TIMD4: variants seen among roughly 807,000 people sequenced by gnomAD.
TIMD4 encodes T cell immunoglobulin and mucin domain containing 4.
In TIMD4, 31 loss-of-function variants were observed where a neutral mutation model predicts 41.2. That is an observed-to-expected ratio of 0.75 (90% CI 0.57 to 1.01). The LOEUF is 1.01. TIMD4 is among the 50% of genes least tolerant of loss of function. The pLI is 0.00. For missense variants in TIMD4, 479 were observed against 472.5 expected, an observed-to-expected ratio of 1.01 and a Z score of -0.13; for synonymous variants, 204 against 177.1, an observed-to-expected ratio of 1.15 and a Z score of -1.21.
At chr5:156,927,528 A>G in intron 5 of TIMD4, among the ~76,000 whole-genome samples, 1 of 152,234 alleles carries the variant, frequency 6.6e-6, no homozygotes, top group East Asian at 1.9e-4. Flanking sequence ...TAGGCAATGG[A>G]AAACCACAGA....
intron 5 of TIMD4, among the ~76,000 whole-genome samples, chr5:156,943,934 C>G (rs1759690961): frequency 1.3e-5 from 2 of 151,336 alleles, no homozygotes; most frequent in Non-Finnish European, 2.9e-5. Context: ...GTGGTGGGTG[C>G]CTGTAGTCCC....
chr5:156,948,384 A>G (rs1479332768), intron 5 of TIMD4, 32 bp downstream of exon 5: 1 of 1,254,380 alleles, frequency 8.0e-7, no homozygotes, highest in Non-Finnish European at 1.0e-6. Context: ...TAATAAAGTA[A>G]AATAAAATAA....
Position 156,951,526 on chromosome 5 carries a change from G to C in TIMD4, c.665C>G (p.Pro222Arg). Residue 222 changes from proline (P) to arginine (R), a missense_variant, in exon 3 of 9, where the codon CCC (proline) becomes CGC (arginine). Transcript: ENST00000274532. ...LLTPEPSKEG[P>R]ILTAESETVL... ...CATCTGCGTACCTGCAGTGAGGATG[G>C]GCCCTTCCTTAGAAGGCTCGGGAGT... is the stretch of plus-strand genomic sequence containing the variant. The C allele has an allele frequency of 6.2e-7, 1 of 1,614,128 alleles. No individual in the cohort carries two copies. The highest frequency in any genetic ancestry group is 8.5e-7 in the Non-Finnish European group (1 of 1,180,020).
chr5:156,924,480 C>G, intron 6 of TIMD4: 1 of 481,858 alleles, frequency 2.1e-6, no homozygotes, highest in Non-Finnish European at 4.2e-6. Context: ...TTTTGCTGGC[C>G]TTGTTGGACT....
At chr5:156,933,920 AC>A (rs1561546828) in intron 5 of TIMD4, among the ~76,000 whole-genome samples, 1 of 152,032 alleles carries the variant, frequency 6.6e-6, no homozygotes, top group Non-Finnish European at 1.5e-5. Flanking sequence ...TGCAAAAACA[AC>A]CCCCATGGTA....
At chr5:156,926,123 C>T in intron 6 of TIMD4, 140 bp downstream of exon 6, 1 of 785,286 alleles carries the variant, frequency 1.3e-6, no homozygotes, top group Non-Finnish European at 2.0e-6. Context: ...AGGGTGATCT[C>T]AAATTTCTGG....
intron 5 of TIMD4, among the ~76,000 whole-genome samples, chr5:156,940,511 G>A (rs1046774816): frequency 3.3e-5 from 5 of 151,556 alleles, no homozygotes; most frequent in South Asian, 2.1e-4. Flanking sequence ...AGGAAGTGAG[G>A]AGCATCTCTG....
chr5:156,940,484 C>G (rs562082660), intron 5 of TIMD4, among the ~76,000 whole-genome samples: 1 of 152,174 alleles, frequency 6.6e-6, no homozygotes, highest in African/African-American at 2.4e-5. Context: ...CGCCTCTTCC[C>G]GGCCGCCGCC....
At chr5:156,937,004 G>T (rs952945753) in intron 5 of TIMD4, among the ~76,000 whole-genome samples, 2 of 150,904 alleles carry the variant, frequency 1.3e-5, no homozygotes, top group Non-Finnish European at 2.9e-5. Flanking sequence ...TTTTGGAAAA[G>T]AGATTCTAAT....
intron 5 of TIMD4, among the ~76,000 whole-genome samples, chr5:156,945,898 G>A (rs950809899): frequency 1.9e-4 from 29 of 152,272 alleles, no homozygotes; most frequent in African/African-American, 6.7e-4. Context: ...AAGTGGCCCA[G>A]GAAGATGGCT....
chr5:156,926,093 G>A (rs1159739033), intron 6 of TIMD4, among the ~76,000 whole-genome samples, 170 bp downstream of exon 6: 7 of 152,144 alleles, frequency 4.6e-5, no homozygotes, highest in African/African-American at 1.2e-4. Flanking sequence ...TGATAGAGAT[G>A]GGGTTTTGCC....
chr5:156,943,983 C>T (rs1275139551), intron 5 of TIMD4, among the ~76,000 whole-genome samples: 2 of 151,600 alleles, frequency 1.3e-5, no homozygotes, highest in Non-Finnish European at 2.9e-5. Flanking sequence ...TCGCTTGAAC[C>T]CAGGAGGCAA....
At chr5:156,951,938 C>T (rs1759868634) in intron 2 of TIMD4, 148 bp from the exon 3 acceptor site, 3 of 1,043,900 alleles carry the variant, frequency 2.9e-6, no homozygotes, top group African/African-American at 1.6e-5. Context: ...ATTGTGTTTC[C>T]TGCCCCCACC....
chr5:156,937,418 T>TTA (rs1759560635), intron 5 of TIMD4, among the ~76,000 whole-genome samples: 1 of 152,286 alleles, frequency 6.6e-6, no homozygotes, highest in Admixed American at 6.5e-5. Flanking sequence ...ACACTGAGGT[T>TTA]TACTCTTTTA....
intron 6 of TIMD4, among the ~76,000 whole-genome samples, chr5:156,923,916 C>A (rs369540815): frequency 6.6e-5 from 10 of 152,060 alleles, no homozygotes; most frequent in African/African-American, 2.4e-4. Context: ...AGGCTCACTG[C>A]AGCCTCAACC....
intron 1 of TIMD4, among the ~76,000 whole-genome samples, chr5:156,960,762 A>C (rs1450813915): frequency 6.6e-6 from 1 of 152,226 alleles, no homozygotes; most frequent in Non-Finnish European, 1.5e-5. Flanking sequence ...AGGTGCTGGA[A>C]TATAACAAGC....
At chr5:156,931,376 A>G (rs571897117) in intron 5 of TIMD4, among the ~76,000 whole-genome samples, 11 of 152,366 alleles carry the variant, frequency 7.2e-5, no homozygotes, top group African/African-American at 2.6e-4. Flanking sequence ...GGACAGGCAC[A>G]AGATATGAAA....
intron 1 of TIMD4, among the ~76,000 whole-genome samples, chr5:156,958,994 T>C (rs1581637083): frequency 6.6e-6 from 1 of 152,222 alleles, no homozygotes; most frequent in South Asian, 2.1e-4. Flanking sequence ...CCTTTGTTTT[T>C]GTGGGCTCAG....
Position 156,926,296 on chromosome 5 carries a change from A to G in TIMD4, c.861T>C (p.Val287=). 6.2e-7 allele frequency: 1 copy of G among 1,613,710 alleles called. No individual in the cohort carries two copies. Among genetic ancestry groups the G allele is most frequent in the East Asian group, 2.2e-5 (1 of 44,852 alleles). ...SPQPGASDTA[V]PEQNKTTKTG... is the part of the protein sequence containing the mutation. ...TTTTTGTTGTTTTGTTCTGCTCAGG[A>G]ACTGCTGTATCAGATGCTGGGAAGG... The change falls in exon 6 of 9, where the codon GTT becomes GTC. Residue 287 remains valine (V), a synonymous_variant. Transcript: ENST00000274532.
Sources: gnomAD v4.1 joint callset for allele counts (sites outside exome capture counted in the v4.1 genomes callset) on GRCh38, gnomAD v4.1.1 for gene constraint, MANE v1.5 for transcripts, NCBI Gene and HGNC (gene_info 2026-07-23, HGNC 2026-07-21) for gene names.